The following THSD7A variants were observed in gnomAD, a reference collection of about 807,000 sequenced individuals.
THSD7A encodes thrombospondin type-1 domain-containing protein 7A.
Under a neutral mutation model 231.3 loss-of-function variants are expected in THSD7A, and 96 were observed. That is an observed-to-expected ratio of 0.41 (90% CI 0.35 to 0.49). THSD7A has a LOEUF of 0.49. Among genes scored for constraint, THSD7A ranks in the 20% least tolerant of loss-of-function variants. The pLI is 0.05. For missense variants in THSD7A, 2,290 were observed against 2,070.2 expected (o/e 1.11, Z -2.06); for synonymous variants, 940 against 743.3 (o/e 1.26, Z -4.30).
intron 6 of THSD7A, among the ~76,000 whole-genome samples, chr7:11,525,982 T>C (rs1788459193): frequency 1.3e-5 from 2 of 152,188 alleles, no homozygotes; most frequent in African/African-American, 4.8e-5. Context: ...ATTTGTTTTA[T>C]AGCCAGAGTT....
chr7:11,757,936 A>T (rs953911666), intron 1 of THSD7A, among the ~76,000 whole-genome samples: 17 of 150,182 alleles, frequency 1.1e-4, no homozygotes, highest in Non-Finnish European at 2.4e-4. Flanking sequence ...TAATAATAAT[A>T]ATGATTATAA....
chr7:11,432,912 G>T (rs914982722), intron 13 of THSD7A, among the ~76,000 whole-genome samples: 1 of 151,792 alleles, frequency 6.6e-6, no homozygotes, highest in East Asian at 1.9e-4. Flanking sequence ...TTAAAAAATG[G>T]GATCACAAAT....
At chr7:11,819,824 T>C (rs1056800643) in intron 1 of THSD7A, among the ~76,000 whole-genome samples, 5 of 152,174 alleles carry the variant, frequency 3.3e-5, no homozygotes, top group Non-Finnish European at 7.3e-5. Flanking sequence ...CGTTGGTTAA[T>C]AATAATGTAG....
At chr7:11,466,161 A>G (rs1785696924) in intron 9 of THSD7A, among the ~76,000 whole-genome samples, 1 of 152,166 alleles carries the variant, frequency 6.6e-6, no homozygotes, top group South Asian at 2.1e-4. Context: ...CTGCACTTTA[A>G]TAAGCCCAAC....
At chr7:11,754,930 GTATTATATAGTT>G (rs1276135186) in intron 1 of THSD7A, among the ~76,000 whole-genome samples, 3 of 151,818 alleles carry the variant, frequency 2.0e-5, no homozygotes, top group Non-Finnish European at 1.5e-5. Context: ...TTCTCTAACT[GTATTATATAGTT>G]TATGTTGAGT....
At chr7:11,497,582 T>G (rs539673023) in intron 6 of THSD7A, among the ~76,000 whole-genome samples, 2 of 152,312 alleles carry the variant, frequency 1.3e-5, no homozygotes, top group Admixed American at 6.5e-5. Flanking sequence ...TGGAGTATAA[T>G]GTACTCTCAA....
At chr7:11,792,628 T>C (rs1462253092) in intron 1 of THSD7A, among the ~76,000 whole-genome samples, 1 of 151,882 alleles carries the variant, frequency 6.6e-6, no homozygotes, top group African/African-American at 2.4e-5. Context: ...CTGAATCAAA[T>C]GATGAAGATG....
At chr7:11,794,697 T>A (rs1340693842) in intron 1 of THSD7A, among the ~76,000 whole-genome samples, 1 of 151,954 alleles carries the variant, frequency 6.6e-6, no homozygotes, top group African/African-American at 2.4e-5. Context: ...CTCATCTTCA[T>A]AAAGTCACTT....
chr7:11,684,461 A>T (rs952658023), intron 1 of THSD7A, among the ~76,000 whole-genome samples: 2 of 151,874 alleles, frequency 1.3e-5, no homozygotes, highest in Non-Finnish European at 2.9e-5. Flanking sequence ...CTTTGCAGAC[A>T]ATATGATTCT....
chr7:11,373,988 T>C lies in THSD7A; in HGVS notation c.*1806A>G, dbSNP rs1782165054. ...GAGTTAGTTAAATATTGTTCCACTG[T>C]GCCATTCCCAGGGCTACATCTGTAG... On this transcript the variant is annotated 3_prime_UTR_variant, in exon 28 of 28. Transcript: ENST00000423059. The C allele has an allele frequency of 1.3e-5, 2 of 152,110 alleles. No individual in the cohort carries two copies. The highest frequency in any genetic ancestry group is 2.9e-5 in the Non-Finnish European group (2 of 68,004). 9.4% of individuals were successfully genotyped at this position (152,110 alleles called of 1,614,324 possible).
chr7:11,426,058 TAA>T (rs11342645), intron 15 of THSD7A, among the ~76,000 whole-genome samples: 9,485 of 135,848 alleles, frequency 0.07, 639 homozygotes, highest in African/African-American at 0.17. Flanking sequence ...TAGAGTATAA[TAA>T]AAAAAAAAAA....
At chr7:11,576,422 T>TACAGA (rs1027446560) in intron 4 of THSD7A, among the ~76,000 whole-genome samples, 4 of 152,062 alleles carry the variant, frequency 2.6e-5, no homozygotes, top group African/African-American at 9.7e-5. Context: ...TACATATTTT[T>TACAGA]ACAGAAGACA....
chr7:11,503,117 T>C (rs766361639), intron 6 of THSD7A, among the ~76,000 whole-genome samples: 8 of 152,134 alleles, frequency 5.3e-5, no homozygotes, highest in African/African-American at 9.7e-5. Context: ...AACAGGCACA[T>C]AGACCAATGG....
intron 7 of THSD7A, among the ~76,000 whole-genome samples, chr7:11,481,544 G>A (rs1219172269): frequency 6.6e-6 from 1 of 152,092 alleles, no homozygotes; most frequent in South Asian, 2.1e-4. Flanking sequence ...ATGACTGGAA[G>A]GGTGGGAAAA....
rs1029175195 is a variant in THSD7A at position 11,637,228 on chromosome 7, C to T, written c.191-267G>A. Among the ~76,000 whole-genome samples, 2 of 152,108 alleles carry T rather than the reference C, an allele frequency of 1.3e-5. No homozygotes were observed. Among genetic ancestry groups the T allele is most frequent in the Non-Finnish European group, 1.5e-5 (1 of 68,012 alleles). On this transcript the variant is annotated intron_variant, in intron 1 of 27. Coordinates refer to ENST00000423059, the MANE Select transcript of THSD7A (RefSeq NM_015204.3). The surrounding 1 kb of genome is among the most constrained non-coding windows in gnomAD (Gnocchi z 4.2). ...GGATTACGAAAAGTTTGGTTTTGTTCATTTCCTTTGTTTTAGGTAGTTAGA... is the reference window on the plus strand; with the variant it reads ...GGATTACGAAAAGTTTGGTTTTGTTTATTTCCTTTGTTTTAGGTAGTTAGA...
chr7:11,404,547 G>C (rs975214520), intron 22 of THSD7A, among the ~76,000 whole-genome samples: 3 of 152,182 alleles, frequency 2.0e-5, no homozygotes, highest in Admixed American at 6.5e-5. Flanking sequence ...CCTGCCTGGA[G>C]CTGTCACCTG....
At chr7:11,690,436 T>C (rs764595051) in intron 1 of THSD7A, among the ~76,000 whole-genome samples, 4 of 151,752 alleles carry the variant, frequency 2.6e-5, no homozygotes, top group Non-Finnish European at 5.9e-5. Flanking sequence ...GAAACCTAAG[T>C]CTGAATGGTA....
Position 11,424,716 on chromosome 7 carries a change from G to T in THSD7A, c.3363C>A (p.Gly1121=). Residue 1121 remains glycine (G), a synonymous_variant, in exon 16 of 28, where the codon GGC becomes GGA. Transcript: ENST00000423059. ...FVNMRENCGE[G]VQTRKVRCMQ... is the part of the protein sequence containing the mutation. ...CTTACCTCACTTTTCGGGTTTGCAC[G>T]CCCTCTCCACAGTTCTCCCGCATAT... The T allele has an allele frequency of 6.2e-7, 1 of 1,613,906 alleles. No individual in the cohort carries two copies. The highest frequency in any genetic ancestry group is 8.5e-7 in the Non-Finnish European group (1 of 1,179,868).
chr7:11,655,877 G>A (rs1447294589), intron 1 of THSD7A, among the ~76,000 whole-genome samples: 1 of 151,790 alleles, frequency 6.6e-6, no homozygotes, highest in East Asian at 1.9e-4. Flanking sequence ...ATAATTGCTT[G>A]GGCAACTCAG....
Sources: allele counts gnomAD v4.1 joint callset (sites outside exome capture counted in the v4.1 genomes callset), GRCh38; gene constraint gnomAD v4.1.1; non-coding constraint Gnocchi (gnomAD v3.1); transcripts MANE v1.5; gene names NCBI Gene and HGNC (gene_info 2026-07-23, HGNC 2026-07-21).